Variants in ARHGAP20 observed in about 807,000 individuals in gnomAD.
ARHGAP20 encodes Rho GTPase activating protein 20.
In ARHGAP20, 34 loss-of-function variants were observed where a neutral mutation model predicts 73.7. The observed-to-expected ratio is 0.46, with a 90% confidence interval of 0.35 to 0.61. The LOEUF is 0.61. Ranked by LOEUF, ARHGAP20 falls within the 20% of genes least tolerant of loss-of-function variation. The probability of loss-of-function intolerance (pLI) is 0.00; values close to 1 mark genes in which losing one functional copy is unlikely to be tolerated. For missense variants in ARHGAP20, 1,314 were observed against 1,420.9 expected, an observed-to-expected ratio of 0.92 and a Z score of 1.21; for synonymous variants, 523 against 518.2, an observed-to-expected ratio of 1.01 and a Z score of -0.13.
intron 2 of ARHGAP20, among the ~76,000 whole-genome samples, chr11:110,635,723 T>C (rs182008621): frequency 4.1e-4 from 62 of 152,164 alleles, no homozygotes; most frequent in African/African-American, 1.4e-3. Flanking sequence ...AAAAGGAGTT[T>C]CTATGCTTGA....
At chr11:110,586,385 G>A in intron 11 of ARHGAP20, 60 bp from the exon 12 acceptor site, 6 of 1,072,948 alleles carry the variant, frequency 5.6e-6, no homozygotes, top group Non-Finnish European at 8.1e-6. Flanking sequence ...ATATGTATTA[G>A]AGAAAGTAGA....
At chr11:110,627,145 T>C (rs777466845) in intron 3 of ARHGAP20, among the ~76,000 whole-genome samples, 90 of 152,024 alleles carry the variant, frequency 5.9e-4, no homozygotes, top group Non-Finnish European at 1.3e-4. Flanking sequence ...CTGGAGTGCA[T>C]TGGCATGATC....
At chr11:110,674,549 A>G (rs1299221497) in intron 2 of ARHGAP20, among the ~76,000 whole-genome samples, 2 of 152,208 alleles carry the variant, frequency 1.3e-5, no homozygotes, top group Non-Finnish European at 2.9e-5. Flanking sequence ...AATATTATAT[A>G]AAATTACCCT....
intron 2 of ARHGAP20, among the ~76,000 whole-genome samples, chr11:110,679,117 C>T (rs1949988909): frequency 6.6e-6 from 1 of 152,196 alleles, no homozygotes; most frequent in African/African-American, 2.4e-5. Context: ...GGAGGGTCTG[C>T]TTCCAAGAGC....
At chr11:110,676,874 T>C (rs923553547) in intron 2 of ARHGAP20, among the ~76,000 whole-genome samples, 1 of 152,198 alleles carries the variant, frequency 6.6e-6, no homozygotes, top group Non-Finnish European at 1.5e-5. Context: ...ACATGATATT[T>C]TGATATATGT....
intron 4 of ARHGAP20, among the ~76,000 whole-genome samples, chr11:110,616,692 T>TC (rs1219137588): frequency 6.6e-6 from 1 of 151,868 alleles, no homozygotes; most frequent in Non-Finnish European, 1.5e-5. Context: ...TTTTCTTTTT[T>TC]TTTTTTTTTA....
chr11:110,589,543 G>GC, intron 11 of ARHGAP20: 3 of 985,438 alleles, frequency 3.0e-6, no homozygotes, highest in Non-Finnish European at 3.6e-6. Context: ...TAGCTCTGGT[G>GC]CATTCCAATC....
intron 2 of ARHGAP20, among the ~76,000 whole-genome samples, chr11:110,660,061 C>CAAAAAAAAAAAAAAA (rs746439426): frequency 1.4e-5 from 1 of 69,248 alleles, no homozygotes; most frequent in African/African-American, 4.7e-5. Flanking sequence ...TAATAAAAAA[C>CAAAAAAAAAAAAAAA]AAAAAAAAAA....
At chr11:110,641,933 G>T (rs1200870630) in intron 2 of ARHGAP20, among the ~76,000 whole-genome samples, 2 of 152,000 alleles carry the variant, frequency 1.3e-5, no homozygotes, top group Non-Finnish European at 2.9e-5. Context: ...TATGTGTAAT[G>T]ATTACACTGT....
chr11:110,624,637 T>A (rs1591324124), intron 3 of ARHGAP20, among the ~76,000 whole-genome samples: 1 of 151,832 alleles, frequency 6.6e-6, no homozygotes, highest in Non-Finnish European at 1.5e-5. Context: ...TTTTTTTTTT[T>A]AGAAGAAAAA....
At chr11:110,595,716 G>T (rs1947940653) in intron 9 of ARHGAP20, among the ~76,000 whole-genome samples, 4 of 152,138 alleles carry the variant, frequency 2.6e-5, no homozygotes, top group African/African-American at 9.7e-5. Flanking sequence ...TGGCCATACT[G>T]CCCAAGGTAA....
intron 2 of ARHGAP20, among the ~76,000 whole-genome samples, chr11:110,667,114 TC>T (rs1313279100): frequency 6.6e-6 from 1 of 152,180 alleles, no homozygotes; most frequent in Non-Finnish European, 1.5e-5. Flanking sequence ...ATCTAGAAAA[TC>T]TAGCTAAGAT....
chr11:110,680,708 T>C (rs868648293), intron 2 of ARHGAP20, among the ~76,000 whole-genome samples: 19 of 152,188 alleles, frequency 1.2e-4, no homozygotes, highest in African/African-American at 4.6e-4. Flanking sequence ...CACTAGAATG[T>C]GGAGAGACTA....
intron 2 of ARHGAP20, among the ~76,000 whole-genome samples, chr11:110,688,630 T>C (rs1950182384): frequency 6.6e-6 from 1 of 152,226 alleles, no homozygotes; most frequent in African/African-American, 2.4e-5. Flanking sequence ...CCCTTGAGGT[T>C]TCTAGATAAC....
Position 110,630,613 on chromosome 11 carries a change from A to G in ARHGAP20, c.353+15T>C, listed in dbSNP as rs769636443. On this transcript the variant is annotated intron_variant, in intron 3 of 14. Transcript: ENST00000683387. The stretch of plus-strand genomic sequence containing the variant: ...CAATTTTATAATGATAATCAGGAGT[A>G]TATAGTATACATACTTGATTTTGGC... 3.1e-6 allele frequency: 5 copies of G among 1,612,458 alleles called. No homozygotes were observed. The highest frequency in any genetic ancestry group is 4.2e-6 in the Non-Finnish European group (5 of 1,178,958).
At chr11:110,711,697 C>G (rs1199997498) in intron 1 of ARHGAP20, 1 of 1,444,502 alleles carries the variant, frequency 6.9e-7, no homozygotes, top group Non-Finnish European at 9.1e-7. Context: ...CAGACATCGC[C>G]GGCCCTGACT....
chr11:110,670,171 T>C (rs1949800319), intron 2 of ARHGAP20, among the ~76,000 whole-genome samples: 2 of 152,076 alleles, frequency 1.3e-5, no homozygotes, highest in South Asian at 4.1e-4. Flanking sequence ...ATATAAAAAT[T>C]CATCAAAATC....
intron 7 of ARHGAP20, 147 bp downstream of exon 7, chr11:110,611,162 C>A: frequency 2.0e-6 from 1 of 507,434 alleles, no homozygotes; most frequent in Non-Finnish European, 3.4e-6. Flanking sequence ...TAAAGCTTTA[C>A]TGTTCTCATT....
intron 5 of ARHGAP20, among the ~76,000 whole-genome samples, chr11:110,615,119 A>C (rs1948455852): frequency 6.6e-6 from 1 of 152,200 alleles, no homozygotes; most frequent in African/African-American, 2.4e-5. Context: ...AGTCTAACAG[A>C]TGAGCCTAAG....
Sources: allele counts gnomAD v4.1 joint callset (sites outside exome capture counted in the v4.1 genomes callset), GRCh38; gene constraint gnomAD v4.1.1; transcripts MANE v1.5; gene names NCBI Gene and HGNC (gene_info 2026-07-23, HGNC 2026-07-21).